USP24: variants seen among roughly 807,000 people sequenced by gnomAD.
USP24 encodes the protein ubiquitin specific peptidase 24, also known as ubiquitin carboxyl-terminal hydrolase 24.
A neutral mutation model predicts 361.6 loss-of-function variants in USP24; 97 were observed. The ratio of observed to expected loss-of-function variants is 0.27; its 90% confidence interval spans 0.23 to 0.32. The LOEUF (loss-of-function observed/expected upper bound fraction) is 0.32. USP24 is among the 10% of genes least tolerant of loss of function. The pLI is 1.00. For missense variants in USP24, 2,353 were observed against 3,165.6 expected, an observed-to-expected ratio of 0.74 and a Z score of 6.16; for synonymous variants, 1,098 against 1,124.6, an observed-to-expected ratio of 0.98 and a Z score of 0.47.
chr1:55,112,407 A>AT (rs1437550163), intron 38 of USP24, among the ~76,000 whole-genome samples: 6 of 152,184 alleles, frequency 3.9e-5, no homozygotes, highest in Non-Finnish European at 8.8e-5. Context: ...TCCTGTGGGC[A>AT]TTTAGTGCTA....
At chr1:55,073,043 G>C (rs933813394) in intron 64 of USP24, 182 bp from the exon 65 acceptor site, 7 of 598,848 alleles carry the variant, frequency 1.2e-5, no homozygotes, top group African/African-American at 3.7e-5. Flanking sequence ...GCTTCCCCCA[G>C]GGGCTGGGGG....
At chr1:55,153,176 G>A (rs79186921) in intron 16 of USP24, among the ~76,000 whole-genome samples, 6,366 of 152,168 alleles carry the variant, frequency 0.042, 345 homozygotes, top group African/African-American at 0.13. Flanking sequence ...CACTGAGCTG[G>A]CTGCTGTGAT....
chr1:55,157,757 C>T (rs973212164), intron 10 of USP24, among the ~76,000 whole-genome samples: 5 of 151,338 alleles, frequency 3.3e-5, no homozygotes, highest in African/African-American at 9.7e-5. Flanking sequence ...TTGCTTGAAC[C>T]TAGGAGGCGG....
At chr1:55,120,859 GT>G in intron 37 of USP24, 103 bp from the exon 38 acceptor site, 1 of 1,341,348 alleles carries the variant, frequency 7.5e-7, no homozygotes, top group Non-Finnish European at 9.8e-7. Context: ...AGTCAATCAA[GT>G]TATTGAAGGA....
At chr1:55,207,816 T>C (rs543014427) in intron 1 of USP24, among the ~76,000 whole-genome samples, 35 of 152,314 alleles carry the variant, frequency 2.3e-4, no homozygotes, top group Non-Finnish European at 2.8e-4. Context: ...GAAAGTATAA[T>C]AAATAATGTC....
At chr1:55,115,359 A>G (rs1267085264) in intron 38 of USP24, among the ~76,000 whole-genome samples, 1 of 150,910 alleles carries the variant, frequency 6.6e-6, no homozygotes, top group Non-Finnish European at 1.5e-5. Flanking sequence ...AGCCGGGCGT[A>G]GTGGCGGGCG....
chr1:55,192,668 A>G (rs1469040760), intron 1 of USP24, among the ~76,000 whole-genome samples: 1 of 152,264 alleles, frequency 6.6e-6, no homozygotes, highest in Non-Finnish European at 1.5e-5. Context: ...GTTTTACTAA[A>G]TATTTTTCAA....
intron 60 of USP24, 61 bp downstream of exon 60, chr1:55,079,477 C>G (rs181963690): frequency 1.6e-4 from 247 of 1,547,266 alleles, no homozygotes; most frequent in Middle Eastern, 8.5e-4. Context: ...TAACTCGTAA[C>G]AAAAAGCAAT....
chr1:55,081,174 A>T, intron 59 of USP24, 148 bp downstream of exon 59: 1 of 701,272 alleles, frequency 1.4e-6, no homozygotes, highest in Non-Finnish European at 2.4e-6. Flanking sequence ...TATAAAGTTT[A>T]ACATGAATTA....
rs1395721349 is a variant in USP24, at chr1:55,142,808, A to G, written c.2581-13T>C. 6.6e-7 allele frequency: 1 copy of G among 1,519,976 alleles called. No individual in the cohort carries two copies. Among genetic ancestry groups the G allele is most frequent in the East Asian group, 2.4e-5 (1 of 42,352 alleles). 94.2% of individuals were successfully genotyped at this position (1,519,976 alleles called of 1,614,324 possible). A position where few individuals can be genotyped will look rare whatever the true frequency, so the allele number is the denominator to read the frequency against. ...AAGATACTGAATCCTGAAAGAGTAT[A>G]TGGAAATTACAATTAGTCCTTGACA... is the stretch of plus-strand genomic sequence containing the variant. On this transcript the variant is annotated splice_polypyrimidine_tract_variant and intron_variant, in intron 22 of 67. Transcript: ENST00000294383.
Position 55,066,491 on chromosome 1 carries a change from C to T in USP24, c.*2554G>A, listed in dbSNP as rs1644827381. On this transcript the variant is annotated 3_prime_UTR_variant, in exon 68 of 68. Coordinates refer to ENST00000294383, the MANE Select transcript of USP24 (RefSeq NM_015306.3). ...AATTTTATAAACAAGATTTTATACA[C>T]AAGAGGTAGCAGAGGAAAATTCCAG... 2 of 152,174 alleles carry T rather than the reference C, an allele frequency of 1.3e-5. No individual in the cohort carries two copies. Among genetic ancestry groups the T allele is most frequent in the South Asian group, 4.1e-4 (2 of 4,824 alleles). 9.4% of individuals were successfully genotyped at this position (152,174 alleles called of 1,614,324 possible). A position where few individuals can be genotyped will look rare whatever the true frequency, so the allele number is the denominator to read the frequency against.
chr1:55,155,733 G>A (rs534852577), intron 12 of USP24, among the ~76,000 whole-genome samples: 22 of 152,236 alleles, frequency 1.4e-4, no homozygotes, highest in South Asian at 1.2e-3. Context: ...GAGAGGAAGC[G>A]CTGGGAGATG....
chr1:55,142,631 C>T (rs991540875), intron 23 of USP24, 111 bp downstream of exon 23: 19 of 789,352 alleles, frequency 2.4e-5, no homozygotes, highest in Non-Finnish European at 2.0e-5. Context: ...ATAAATTCTT[C>T]AATAGGATCC....
At chr1:55,112,944 G>C (rs1169846410) in intron 38 of USP24, among the ~76,000 whole-genome samples, 1 of 152,152 alleles carries the variant, frequency 6.6e-6, no homozygotes, top group Non-Finnish European at 1.5e-5. Flanking sequence ...GAATCTGGGT[G>C]CTCCTGTATT....
At chr1:55,166,766 T>TTAC (rs976166907) in intron 5 of USP24, among the ~76,000 whole-genome samples, 163 bp from the exon 6 acceptor site, 17 of 152,166 alleles carry the variant, frequency 1.1e-4, no homozygotes, top group African/African-American at 3.9e-4. Flanking sequence ...GTCTTTAACA[T>TTAC]TACTGTATAT....
chr1:55,108,370 T>C (rs866948702), intron 39 of USP24, among the ~76,000 whole-genome samples: 5 of 152,142 alleles, frequency 3.3e-5, no homozygotes, highest in African/African-American at 4.8e-5. Flanking sequence ...CACTGCACTA[T>C]AGTGAGAAGC....
chr1:55,197,192 T>C (rs2100902162), intron 1 of USP24, among the ~76,000 whole-genome samples: 1 of 152,310 alleles, frequency 6.6e-6, no homozygotes, highest in East Asian at 1.9e-4. Flanking sequence ...ACCTGCTCTG[T>C]GAGGCCTTCC....
At chr1:55,104,675 C>T (rs1374279587) in intron 41 of USP24, among the ~76,000 whole-genome samples, 2 of 152,080 alleles carry the variant, frequency 1.3e-5, no homozygotes, top group African/African-American at 4.8e-5. Flanking sequence ...GAAGGATACA[C>T]AGAAAAGAGG....
At position 55,211,800 on chromosome 1, in the gene USP24, TTTCTA is replaced by T. The variant is rs369556265; in HGVS notation, c.324+2985_324+2989del. Among the ~76,000 whole-genome samples the T allele has an allele frequency of 7.4e-3, 1,121 of 152,356 alleles. 15 individuals carry two copies. Among genetic ancestry groups the T allele is most frequent in the African/African-American group, 0.026 (1,072 of 41,574 alleles). On this transcript the variant is annotated intron_variant, in intron 1 of 67. Coordinates refer to ENST00000294383, the MANE Select transcript of USP24 (RefSeq NM_015306.3). ...AAAAAAACTTAAGTCATTTCTTTCT[TTTCTA>T]ATCAATTAGATTTTATTCTGTTTTT...
Sources: gnomAD v4.1 joint callset for allele counts (sites outside exome capture counted in the v4.1 genomes callset) on GRCh38, gnomAD v4.1.1 for gene constraint, MANE v1.5 for transcripts, NCBI Gene and HGNC (gene_info 2026-07-23, HGNC 2026-07-21) for gene names.